The following TK2 variants were observed in gnomAD, a reference collection of about 807,000 sequenced individuals.
The protein encoded by TK2 is thymidine kinase 2, also known as thymidine kinase 2, mitochondrial.
Under a neutral mutation model 41.9 loss-of-function variants are expected in TK2, and 35 were observed. The ratio of observed to expected loss-of-function variants is 0.84; its 90% CI spans 0.64 to 1.11. TK2 has a LOEUF of 1.11. Ranked by LOEUF, TK2 falls within the 50% of genes least tolerant of loss-of-function variation. The probability of loss-of-function intolerance (pLI) is 0.00; values close to 1 mark genes in which losing one functional copy is unlikely to be tolerated. For missense variants in TK2, 320 were observed against 351.1 expected (o/e 0.91, Z 0.71); for synonymous variants, 128 against 129.1 (o/e 0.99, Z 0.06).
intron 5 of TK2, among the ~76,000 whole-genome samples, chr16:66,529,816 C>T (rs1398932581): frequency 6.6e-6 from 1 of 152,128 alleles, no homozygotes; most frequent in African/African-American, 2.4e-5. Context: ...CCCTGCTGTC[C>T]CTCTGTCCAT....
chr16:66,516,710 G>A (rs116341447), intron 8 of TK2, among the ~76,000 whole-genome samples: 112 of 152,290 alleles, frequency 7.4e-4, no homozygotes, highest in African/African-American at 2.6e-3. Flanking sequence ...CCTCCGTGCC[G>A]GGCACTGTGC....
intron 3 of TK2, among the ~76,000 whole-genome samples, chr16:66,539,254 G>A (rs1483008756): frequency 5.3e-5 from 8 of 151,850 alleles, no homozygotes; most frequent in Admixed American, 1.3e-4. Flanking sequence ...GACACAACAC[G>A]CAGTCATACT....
chr16:66,549,253 T>C (rs918770768), intron 1 of TK2: 10 of 1,341,600 alleles, frequency 7.5e-6, no homozygotes, highest in Middle Eastern at 1.9e-4. Context: ...TAGTACATTA[T>C]ACTTTGCATT....
intron 6 of TK2, among the ~76,000 whole-genome samples, chr16:66,520,360 G>T (rs1964743984): frequency 6.6e-6 from 1 of 152,134 alleles, no homozygotes; most frequent in South Asian, 2.1e-4. Flanking sequence ...AAGGGCTTCA[G>T]GGAAACCTCA....
At chr16:66,542,437 C>T (rs913039937) in intron 2 of TK2, among the ~76,000 whole-genome samples, 1 of 152,162 alleles carries the variant, frequency 6.6e-6, no homozygotes, top group African/African-American at 2.4e-5. Context: ...AAAAAAAGAG[C>T]AAGGACTTTG....
At chr16:66,549,164 C>T (rs1002091098) in intron 1 of TK2, 155 bp from the exon 2 acceptor site, 1 of 1,503,730 alleles carries the variant, frequency 6.7e-7, no homozygotes, top group Non-Finnish European at 8.8e-7. Context: ...TGGAGGCGCG[C>T]ACCACCGTCT....
Position 66,511,333 on chromosome 16 carries a change from CCTT to C in TK2, c.*632_*634del, listed in dbSNP as rs1285753412. The C allele has an allele frequency of 6.3e-6, 1 of 158,830 alleles. No individual in the cohort carries two copies. Among genetic ancestry groups the C allele is most frequent in the Non-Finnish European group, 1.4e-5 (1 of 71,808 alleles). 9.8% of individuals were successfully genotyped at this position (158,830 alleles called of 1,614,324 possible). On this transcript the variant is annotated 3_prime_UTR_variant, in exon 10 of 10. Coordinates refer to ENST00000544898, the MANE Select transcript of TK2 (RefSeq NM_004614.5). ...GTGGAAGTCTAGAAATGCTGACTGT[CCTT>C]GGGAACTGCTCAATATTGGGAAAAT...
chr16:66,517,955 G>A lies in TK2; in HGVS notation c.450-78C>T. 1 of 1,231,128 alleles carries A rather than the reference G, an allele frequency of 8.1e-7. No individual in the cohort carries two copies. The highest frequency in any genetic ancestry group is 1.9e-4 in the Middle Eastern group (1 of 5,398). 76.3% of individuals were successfully genotyped at this position (1,231,128 alleles called of 1,614,324 possible). On this transcript the variant is annotated intron_variant, in intron 6 of 9. Transcript: ENST00000544898. This position sits in a 1 kb window ranked among gnomAD's most constrained non-coding sequence, Gnocchi z 4.3. The stretch of plus-strand genomic sequence containing the variant: ...TGCAATTCCCCCAAAAGGATCTTGA[G>A]ACGGCTCTCAATGAAAGGAGTCACC...
At chr16:66,542,951 C>A (rs1223304355) in intron 2 of TK2, among the ~76,000 whole-genome samples, 2 of 152,198 alleles carry the variant, frequency 1.3e-5, no homozygotes, top group African/African-American at 2.4e-5. Context: ...CAGCTCACTG[C>A]AACCTCCACC....
intron 6 of TK2, among the ~76,000 whole-genome samples, chr16:66,519,434 C>G (rs1964715278): frequency 6.6e-6 from 1 of 152,190 alleles, no homozygotes; most frequent in African/African-American, 2.4e-5. Context: ...CCGCCTCGGC[C>G]TCCCAAAGTG....
intron 1 of TK2, 111 bp downstream of exon 1, chr16:66,549,827 C>A (rs1441321642): frequency 1.6e-6 from 2 of 1,284,964 alleles, no homozygotes; most frequent in Non-Finnish European, 2.0e-6. Context: ...GGGAGGAAAT[C>A]CCGCGCCTCG....
intron 6 of TK2, among the ~76,000 whole-genome samples, chr16:66,523,879 C>G (rs1202814649): frequency 6.6e-6 from 1 of 152,126 alleles, no homozygotes; most frequent in Admixed American, 6.6e-5. Flanking sequence ...TCTACTTTCT[C>G]AGTAATACTT....
At chr16:66,530,448 A>ATGTT (rs1330473889) in intron 5 of TK2, among the ~76,000 whole-genome samples, 1 of 152,206 alleles carries the variant, frequency 6.6e-6, no homozygotes, top group East Asian at 1.9e-4. Context: ...CTAAGCAGCC[A>ATGTT]TGTTTGTGCC....
chr16:66,529,632 C>T (rs1965046622), intron 5 of TK2, among the ~76,000 whole-genome samples: 1 of 152,180 alleles, frequency 6.6e-6, no homozygotes, highest in South Asian at 2.1e-4. Flanking sequence ...AAACCCTCTG[C>T]AGACGACCTT....
At chr16:66,544,897 G>A (rs1280979563) in intron 2 of TK2, among the ~76,000 whole-genome samples, 1 of 152,076 alleles carries the variant, frequency 6.6e-6, no homozygotes, top group East Asian at 1.9e-4. Context: ...GACCAGCCTG[G>A]CCAACATGGT....
chr16:66,522,264 A>G (rs538162472), intron 6 of TK2, among the ~76,000 whole-genome samples: 6 of 152,320 alleles, frequency 3.9e-5, no homozygotes, highest in Admixed American at 2.0e-4. Context: ...CAGTCTAGAC[A>G]GGAGCTGGGA....
Position 66,550,040 on chromosome 16 carries a change from C to G in TK2, c.22G>C (p.Gly8Arg), listed in dbSNP as rs1239555126. 4 of 1,562,432 alleles carry G rather than the reference C, an allele frequency of 2.6e-6. No homozygotes were observed. The highest frequency in any genetic ancestry group is 1.7e-6 in the Non-Finnish European group (2 of 1,155,008). ...CAGCGCAGCGCCCGGGCGGCCCAGCCCCGCAGCGGCCACAGCAGCATAGCC... is the reference window on the plus strand; with the variant it reads ...CAGCGCAGCGCCCGGGCGGCCCAGCGCCGCAGCGGCCACAGCAGCATAGCC... MLLWPLR[G>R]WAARALRCFG... The change falls in exon 1 of 10, where the codon GGC (glycine) becomes CGC (arginine). Residue 8 changes from glycine (G) to arginine (R), a missense_variant. By Grantham distance (125) the Gly-to-Arg change is moderately radical. Transcript: ENST00000544898.
intron 5 of TK2, among the ~76,000 whole-genome samples, chr16:66,530,566 T>C (rs753747377): frequency 1.2e-4 from 19 of 152,080 alleles, no homozygotes; most frequent in Non-Finnish European, 1.8e-4. Flanking sequence ...CCAGACCCCA[T>C]GAAGGTTAAA....
At chr16:66,532,289 C>T (rs1965139423) in intron 4 of TK2, among the ~76,000 whole-genome samples, 1 of 151,944 alleles carries the variant, frequency 6.6e-6, no homozygotes, top group Non-Finnish European at 1.5e-5. Context: ...GAAAGGAATC[C>T]CATTTGCGAT....
Sources: gnomAD v4.1 joint callset for allele counts (sites outside exome capture counted in the v4.1 genomes callset) on GRCh38, gnomAD v4.1.1 for gene constraint, Gnocchi (gnomAD v3.1) non-coding constraint, MANE v1.5 for transcripts, NCBI Gene and HGNC (gene_info 2026-07-23, HGNC 2026-07-21) for gene names.